Variants in OPTN observed in about 807,000 individuals in gnomAD.
OPTN encodes optineurin, also known as E3-14.7K-interacting protein.
In OPTN, 54 loss-of-function variants were observed where a neutral mutation model predicts 70.4. That is an observed-to-expected ratio of 0.77 (90% CI 0.62 to 0.96). The LOEUF (loss-of-function observed/expected upper bound fraction) is 0.96. OPTN is among the 40% of genes least tolerant of loss of function. The probability of loss-of-function intolerance (pLI) is 0.00; values close to 1 mark genes in which losing one functional copy is unlikely to be tolerated. For synonymous variants in OPTN, 256 were observed against 248.5 expected (o/e 1.03, Z -0.28); for missense variants, 624 against 673.2 (o/e 0.93, Z 0.81).
At chr10:13,135,297 C>T (rs1200943488) in intron 14 of OPTN, among the ~76,000 whole-genome samples, 1 of 152,060 alleles carries the variant, frequency 6.6e-6, no homozygotes, top group Non-Finnish European at 1.5e-5. Flanking sequence ...TAGCTAGGGT[C>T]AGGGCTTATT....
chr10:13,104,520 C>A, intron 1 of OPTN: 10 of 377,980 alleles, frequency 2.6e-5, no homozygotes, highest in South Asian at 6.9e-5. Flanking sequence ...CATAGTAAAA[C>A]AGGCCCTATG....
chr10:13,137,026 TC>T lies in OPTN; in HGVS notation c.*163del. On this transcript the variant is annotated 3_prime_UTR_variant, in exon 15 of 15. Coordinates refer to ENST00000378747, the MANE Select transcript of OPTN (RefSeq NM_001008212.2). Reference sequence around the variant, plus strand: ...CGGGCACAGTGGCTCATGCCTGTAATCCCAGCACTTTGGGAGGTCGAGGTGG... The same window carrying T: ...CGGGCACAGTGGCTCATGCCTGTAATCCAGCACTTTGGGAGGTCGAGGTGG... 3 of 911,168 alleles carry T rather than the reference TC, an allele frequency of 3.3e-6. No individual in the cohort carries two copies. The South Asian group carries it at 4.2e-5, about 13-fold the overall frequency. The allele number at this position is 911,168 out of a possible 1,614,324, so 56.4% of individuals were successfully genotyped here. A position where few individuals can be genotyped will look rare whatever the true frequency, so the allele number is the denominator to read the frequency against.
Position 13,110,292 on chromosome 10 carries a change from A to T in OPTN, c.185A>T (p.Asn62Ile). 6.2e-7 allele frequency: 1 copy of T among 1,614,072 alleles called. No homozygotes were observed. The highest frequency in any genetic ancestry group is 8.5e-7 in the Non-Finnish European group (1 of 1,180,014). ...HQLKEAMKLN[N>I]QAMKGRFEEL... is the part of the protein sequence containing the mutation. ...CCTGCAGAAGCCATGAAGCTAAATA[A>T]TCAAGCCATGAAAGGGAGATTTGAG... The change falls in exon 4 of 15, where the codon AAT becomes ATT. Residue 62 changes from asparagine (N) to isoleucine (I), a missense_variant. Transcript: ENST00000378747.
chr10:13,116,759 CT>C (rs1188976970), intron 6 of OPTN, among the ~76,000 whole-genome samples: 2 of 152,238 alleles, frequency 1.3e-5, no homozygotes, highest in African/African-American at 4.8e-5. Flanking sequence ...CAGTTATAAG[CT>C]GGCATGGCCA....
intron 9 of OPTN, 94 bp downstream of exon 9, chr10:13,124,204 G>T: frequency 1.4e-6 from 1 of 720,278 alleles, no homozygotes; most frequent in East Asian, 2.7e-5. Flanking sequence ...ACTATGTTAT[G>T]ACTAAAAGAA....
At position 13,126,283 on chromosome 10, in the gene OPTN, C is replaced by CCTTTTTTTTTTTTTTTTTTT. The variant is rs771767144; in HGVS notation, c.1242+244_1242+245insCTTTTTTTTTTTTTTTTTTT. On this transcript the variant is annotated intron_variant, in intron 11 of 14. Coordinates refer to ENST00000378747, the MANE Select transcript of OPTN (RefSeq NM_001008212.2). ...GTCAGGGATTAAGCACTTCGTATTT[C>CCTTTTTTTTTTTTTTTTTTT]TTTTTTTTTTTTTTTGAGACGGAGT... Among the ~76,000 whole-genome samples, 56 of 139,058 alleles carry CCTTTTTTTTTTTTTTTTTTT rather than the reference C, an allele frequency of 4.0e-4. 2 individuals carry two copies. The highest frequency in any genetic ancestry group is 1.4e-3 in the African/African-American group (53 of 36,716). The allele number at this position is 139,058 out of a possible 152,430, so 91.2% of individuals were successfully genotyped here.
intron 4 of OPTN, among the ~76,000 whole-genome samples, chr10:13,111,586 T>C (rs1352601404): frequency 6.6e-6 from 1 of 151,848 alleles, no homozygotes; most frequent in East Asian, 2.0e-4. Context: ...TAGTCCCAGC[T>C]ACTTGGGAGG....
At chr10:13,113,915 G>A (rs2131491534) in intron 5 of OPTN, among the ~76,000 whole-genome samples, 1 of 151,856 alleles carries the variant, frequency 6.6e-6, no homozygotes, top group East Asian at 1.9e-4. Context: ...AATACAAAAA[G>A]TTAGCTAGGC....
At chr10:13,112,930 C>T (rs1345672292) in intron 5 of OPTN, among the ~76,000 whole-genome samples, 1 of 151,830 alleles carries the variant, frequency 6.6e-6, no homozygotes, top group African/African-American at 2.4e-5. Context: ...AAAACCCACA[C>T]GAACATGAAC....
In OPTN at chr10:13,101,772, G is replaced by A. The variant is rs758010641; in HGVS notation, c.-164+1470G>A. Among the ~76,000 whole-genome samples, 4 of 152,290 alleles carry A rather than the reference G, an allele frequency of 2.6e-5. No homozygotes were observed. The South Asian group carries it at 6.2e-4, about 24-fold the overall frequency. On this transcript the variant is annotated intron_variant, in intron 1 of 14. Transcript: ENST00000378747. ...AAAACACTTCTAATTTTTCAAATAA[G>A]TTAGAAAGGAGGATTTTGAGAATCT...
intron 11 of OPTN, among the ~76,000 whole-genome samples, chr10:13,126,341 C>T (rs961828635): frequency 4.7e-5 from 7 of 147,808 alleles, no homozygotes; most frequent in South Asian, 2.1e-4. Context: ...AGTGCAGTGG[C>T]GCGATCTCGG....
chr10:13,125,379 G>A (rs1172303018), intron 9 of OPTN, 39 bp from the exon 10 acceptor site: 2 of 1,612,528 alleles, frequency 1.2e-6, no homozygotes, highest in Non-Finnish European at 1.7e-6. Context: ...CGACGTAAAG[G>A]AGCATTGTTT....
chr10:13,114,816 ATATAAT>A (rs1833104347), intron 5 of OPTN, among the ~76,000 whole-genome samples: 2 of 108,594 alleles, frequency 1.8e-5, no homozygotes, highest in Admixed American at 2.4e-4. Context: ...ATATATAATT[ATATAAT>A]TATATAATTA....
intron 7 of OPTN, 125 bp from the exon 8 acceptor site, chr10:13,122,260 A>G: frequency 1.4e-6 from 1 of 716,974 alleles, no homozygotes; most frequent in Non-Finnish European, 2.5e-6. Context: ...ATGTGTAGAG[A>G]TTTTGAAAAC....
intron 1 of OPTN, chr10:13,104,552 T>C: frequency 1.7e-6 from 1 of 591,146 alleles, no homozygotes; most frequent in South Asian, 1.6e-5. Context: ...TGGGTTTCTC[T>C]GCTGAACAGC....
rs1027076049 is a variant in OPTN at position 13,112,706 on chromosome 10, A to T, written c.552+71A>T. On this transcript the variant is annotated intron_variant, in intron 5 of 14. Transcript: ENST00000378747. ...CCCCTGGAAAGATGAAACAAATACC[A>T]CTTTTTCTTGTCAACACAAGCCAAG... 4.4e-5 allele frequency: 63 copies of T among 1,441,740 alleles called. No individual in the cohort carries two copies. The Admixed American group carries it at 1.0e-3, about 24-fold the overall frequency. 89.3% of individuals were successfully genotyped at this position (1,441,740 alleles called of 1,614,324 possible).
At position 13,122,622 on chromosome 10, in the gene OPTN, A is replaced by G. The variant is rs1371527476; in HGVS notation, c.882+135A>G. ...TGTTGATATTGAATATTATCTATCTATTCCTTTTATATGTCCTTGTCCTGC... is the reference window on the plus strand; with the variant it reads ...TGTTGATATTGAATATTATCTATCTGTTCCTTTTATATGTCCTTGTCCTGC... On this transcript the variant is annotated intron_variant, in intron 8 of 14. Transcript: ENST00000378747. The G allele has an allele frequency of 1.9e-5, 14 of 723,348 alleles. No homozygotes were observed. In the East Asian group the frequency reaches 3.0e-4, roughly 15 times the overall value. 44.8% of individuals were successfully genotyped at this position (723,348 alleles called of 1,614,324 possible).
intron 14 of OPTN, among the ~76,000 whole-genome samples, chr10:13,134,618 G>A (rs138369463): frequency 6.6e-6 from 1 of 152,122 alleles, no homozygotes; most frequent in Non-Finnish European, 1.5e-5. Flanking sequence ...AGTAGAGACA[G>A]GGTTTCACCA....
chr10:13,129,510 G>A (rs539266438), intron 12 of OPTN, among the ~76,000 whole-genome samples: 2 of 152,098 alleles, frequency 1.3e-5, no homozygotes, highest in Admixed American at 6.5e-5. Flanking sequence ...ACACCACCAC[G>A]CTCAGCTAAT....
Sources: gnomAD v4.1 joint callset for allele counts (sites outside exome capture counted in the v4.1 genomes callset) on GRCh38, gnomAD v4.1.1 for gene constraint, MANE v1.5 for transcripts, NCBI Gene and HGNC (gene_info 2026-07-23, HGNC 2026-07-21) for gene names.